TSHZ2: variants seen among roughly 807,000 people sequenced by gnomAD.
The protein encoded by TSHZ2 is teashirt homolog 2.
Under a neutral mutation model 74.4 loss-of-function variants are expected in TSHZ2, and 21 were observed. The ratio of observed to expected loss-of-function variants is 0.28; its 90% confidence interval spans 0.20 to 0.41. The LOEUF is 0.41. TSHZ2 is among the 10% of genes least tolerant of loss of function. The probability of loss-of-function intolerance (pLI) is 1.00; values close to 1 mark genes in which losing one functional copy is unlikely to be tolerated. For missense variants in TSHZ2, 1,244 were observed against 1,293.5 expected (o/e 0.96, Z 0.59); for synonymous variants, 540 against 515.3 (o/e 1.05, Z -0.65).
intron 1 of TSHZ2, among the ~76,000 whole-genome samples, chr20:53,136,096 C>T (rs975809999): frequency 6.6e-6 from 1 of 152,178 alleles, no homozygotes; most frequent in African/African-American, 2.4e-5. Flanking sequence ...GGGGACACTC[C>T]ACAGAGTCCC....
chr20:53,388,880 G>A (rs955743939), intron 2 of TSHZ2, among the ~76,000 whole-genome samples: 4 of 152,044 alleles, frequency 2.6e-5, no homozygotes, highest in African/African-American at 7.2e-5. Context: ...ACCACACCCG[G>A]CTGCCTCTGC....
chr20:53,334,618 A>G (rs1979867341), intron 2 of TSHZ2, among the ~76,000 whole-genome samples: 1 of 152,168 alleles, frequency 6.6e-6, no homozygotes, highest in South Asian at 2.1e-4. Flanking sequence ...GAGATAGTAT[A>G]AAGAACTTGC....
rs1180162610 is a variant in TSHZ2, at chr20:53,493,082, C to A, written c.*5947C>A. 6.6e-6 allele frequency: 1 copy of A among 152,188 alleles called. No individual in the cohort carries two copies. Among genetic ancestry groups the A allele is most frequent in the South Asian group, 2.1e-4 (1 of 4,826 alleles). The allele number at this position is 152,188 out of a possible 1,614,324, so 9.4% of individuals were successfully genotyped here. On this transcript the variant is annotated 3_prime_UTR_variant, in exon 3 of 3. Transcript: ENST00000371497. ...CAGCTTGGATGGCTGGGAGCGTAAG[C>A]CTTCCGTGCATTTTTATAGTGTACA...
intron 1 of TSHZ2, among the ~76,000 whole-genome samples, chr20:53,053,804 T>C (rs1984557739): frequency 6.6e-6 from 1 of 152,182 alleles, no homozygotes; most frequent in Non-Finnish European, 1.5e-5. Context: ...TGCTCAGGCT[T>C]TTATGAATTT....
Position 53,256,167 on chromosome 20 carries a change from C to T in TSHZ2, c.2709C>T (p.Val903=). 1.9e-6 allele frequency: 3 copies of T among 1,612,672 alleles called. No individual in the cohort carries two copies. Among genetic ancestry groups the T allele is most frequent in the Non-Finnish European group, 1.7e-6 (2 of 1,179,006 alleles). Residue 903 remains valine, a synonymous_variant, in exon 2 of 3, where the codon GTC becomes GTT. Transcript: ENST00000371497. The surrounding 1 kb of genome is among the most constrained non-coding windows in gnomAD (Gnocchi z 4.3). Reference sequence around the variant, plus strand: ...CTATCAGTCACTGGCTGGCCAACGTCAAGTACCAGCTTAGGAAAACGGGCG... The same window carrying T: ...CTATCAGTCACTGGCTGGCCAACGTTAAGTACCAGCTTAGGAAAACGGGCG... ...MTTISHWLAN[V]KYQLRKTGGT... is the part of the protein sequence containing the mutation.
At chr20:53,450,408 T>A (rs1984730896) in intron 2 of TSHZ2, among the ~76,000 whole-genome samples, 1 of 152,246 alleles carries the variant, frequency 6.6e-6, no homozygotes, top group Non-Finnish European at 1.5e-5. Context: ...AGTCCCTAAC[T>A]TTTCTTGAAC....
At chr20:53,125,170 A>T (rs1271945709) in intron 1 of TSHZ2, among the ~76,000 whole-genome samples, 1 of 152,232 alleles carries the variant, frequency 6.6e-6, no homozygotes, top group Non-Finnish European at 1.5e-5. Flanking sequence ...TGAGGATTAA[A>T]TGAATGTTGC....
chr20:53,135,349 T>G (rs990641295), intron 1 of TSHZ2, among the ~76,000 whole-genome samples: 3 of 152,186 alleles, frequency 2.0e-5, no homozygotes, highest in African/African-American at 7.2e-5. Flanking sequence ...GTTCTCCATC[T>G]CTATCATTTT....
intron 1 of TSHZ2, among the ~76,000 whole-genome samples, chr20:53,016,110 A>G (rs1485417073): frequency 6.6e-6 from 1 of 152,190 alleles, no homozygotes; most frequent in Non-Finnish European, 1.5e-5. Flanking sequence ...GCCATGCAGG[A>G]TGACTGTGAA....
intron 1 of TSHZ2, among the ~76,000 whole-genome samples, chr20:53,224,123 A>G (rs1989628783): frequency 6.6e-6 from 1 of 152,238 alleles, no homozygotes; most frequent in South Asian, 2.1e-4. Flanking sequence ...CTCAGAAGAA[A>G]AAGTTGAAAA....
At chr20:53,245,566 G>A (rs1016603512) in intron 1 of TSHZ2, among the ~76,000 whole-genome samples, 2 of 152,264 alleles carry the variant, frequency 1.3e-5, no homozygotes, top group Admixed American at 6.5e-5. Context: ...CTAATTAACT[G>A]TTTTGCAATT....
chr20:53,305,105 T>A (rs1021201589), intron 2 of TSHZ2, among the ~76,000 whole-genome samples: 1 of 148,580 alleles, frequency 6.7e-6, no homozygotes, highest in African/African-American at 2.5e-5. Context: ...CTGACTAATT[T>A]TTTTTTGTAT....
Position 53,475,514 on chromosome 20 carries a change from T to C in TSHZ2, c.*9-11630T>C, listed in dbSNP as rs796727054. On this transcript the variant is annotated intron_variant, in intron 2 of 2. Coordinates refer to ENST00000371497, the MANE Select transcript of TSHZ2 (RefSeq NM_173485.6). Reference sequence around the variant, plus strand: ...TCTGGGACGCATTCAAAGCAGTGTGTAGAGGGAAATTTATAGCACTAAATG... The same window carrying C: ...TCTGGGACGCATTCAAAGCAGTGTGCAGAGGGAAATTTATAGCACTAAATG... 4.1e-3 allele frequency among the ~76,000 whole-genome samples: 431 copies of C among 105,832 alleles called. 17 individuals are homozygous for C. The highest frequency in any genetic ancestry group is 0.037 in the South Asian group (96 of 2,620). 69.4% of individuals were successfully genotyped at this position (105,832 alleles called of 152,430 possible).
chr20:53,257,820 G>A (rs987269928), intron 2 of TSHZ2, among the ~76,000 whole-genome samples: 5 of 152,108 alleles, frequency 3.3e-5, no homozygotes, highest in African/African-American at 9.7e-5. Context: ...ATTCACGATC[G>A]AATATGAAAA....
intron 2 of TSHZ2, among the ~76,000 whole-genome samples, chr20:53,339,437 A>G (rs947871061): frequency 6.6e-6 from 1 of 152,174 alleles, no homozygotes; most frequent in Non-Finnish European, 1.5e-5. Context: ...GAACCCTGAA[A>G]GGCCTCATCA....
At chr20:53,366,188 C>T (rs941961744) in intron 2 of TSHZ2, among the ~76,000 whole-genome samples, 2 of 152,202 alleles carry the variant, frequency 1.3e-5, no homozygotes, top group African/African-American at 2.4e-5. Context: ...GAGTAAGTCA[C>T]AACTTACTTG....
At chr20:53,047,941 T>C (rs563734226) in intron 1 of TSHZ2, among the ~76,000 whole-genome samples, 72 of 152,264 alleles carry the variant, frequency 4.7e-4, no homozygotes, top group African/African-American at 1.7e-3. Context: ...GCACTTTTAA[T>C]TGGCAGTGGA....
At chr20:53,088,121 A>G (rs1465565992) in intron 1 of TSHZ2, among the ~76,000 whole-genome samples, 4 of 152,066 alleles carry the variant, frequency 2.6e-5, no homozygotes, top group African/African-American at 2.4e-5. Flanking sequence ...CTCATCACCT[A>G]TTGCTGAAAT....
intron 1 of TSHZ2, among the ~76,000 whole-genome samples, chr20:53,083,115 C>A (rs916517328): frequency 3.3e-5 from 5 of 152,268 alleles, no homozygotes; most frequent in Middle Eastern, 3.4e-3. Flanking sequence ...GAATAGGTGT[C>A]CCATCTAAGT....
Sources: gnomAD v4.1 joint callset for allele counts (sites outside exome capture counted in the v4.1 genomes callset) on GRCh38, gnomAD v4.1.1 for gene constraint, Gnocchi (gnomAD v3.1) non-coding constraint, MANE v1.5 for transcripts, NCBI Gene and HGNC (gene_info 2026-07-23, HGNC 2026-07-21) for gene names.